The following GMDS variants were observed in gnomAD, a reference collection of about 807,000 sequenced individuals.
GMDS encodes GDP-mannose 4,6 dehydratase.
GMDS carries 20 observed loss-of-function variants against 49.9 expected under a neutral mutation model. The ratio of observed to expected loss-of-function variants is 0.40; its 90% CI spans 0.28 to 0.58. The LOEUF (loss-of-function observed/expected upper bound fraction) is 0.58, where lower values mean the gene tolerates loss of function less well. GMDS is among the 20% of genes least tolerant of loss of function. GMDS has a pLI of 0.42. For missense variants in GMDS, 362 were observed against 481.4 expected (o/e 0.75, Z 2.32); for synonymous variants, 177 against 178.6 (o/e 0.99, Z 0.07).
At chr6:1,974,083 C>T (rs1165291327) in intron 4 of GMDS, among the ~76,000 whole-genome samples, 1 of 151,998 alleles carries the variant, frequency 6.6e-6, no homozygotes. Flanking sequence ...TCCTTCCTCA[C>T]CTCGATTTCT....
intron 4 of GMDS, among the ~76,000 whole-genome samples, chr6:1,996,715 T>G (rs921671017): frequency 6.6e-6 from 1 of 152,182 alleles, no homozygotes; most frequent in East Asian, 1.9e-4. Context: ...TCTAGGAAGC[T>G]GCACACATCA....
At chr6:1,861,173 C>A (rs973041544) in intron 7 of GMDS, among the ~76,000 whole-genome samples, 2 of 152,268 alleles carry the variant, frequency 1.3e-5, no homozygotes, top group Admixed American at 6.5e-5. Flanking sequence ...GTGACGTGCA[C>A]ACAAGGGGAA....
chr6:2,098,526 G>A (rs1773741894), intron 4 of GMDS, among the ~76,000 whole-genome samples: 1 of 152,032 alleles, frequency 6.6e-6, no homozygotes, highest in African/African-American at 2.4e-5. Context: ...AAATCCTTAT[G>A]GTAATTTCAT....
intron 7 of GMDS, among the ~76,000 whole-genome samples, chr6:1,803,527 G>A (rs899446357): frequency 6.6e-6 from 1 of 152,012 alleles, no homozygotes; most frequent in African/African-American, 2.4e-5. Context: ...ATGGCAAAAG[G>A]TGGAGGCTCC....
chr6:1,912,152 G>C (rs537377723), intron 7 of GMDS, among the ~76,000 whole-genome samples: 2 of 152,106 alleles, frequency 1.3e-5, no homozygotes, highest in Admixed American at 1.3e-4. Flanking sequence ...GATCACCTGA[G>C]GTCAGGAGTT....
chr6:1,723,828 T>G (rs968010915), intron 9 of GMDS, among the ~76,000 whole-genome samples: 2 of 152,288 alleles, frequency 1.3e-5, no homozygotes, highest in South Asian at 2.1e-4. Context: ...TATCCTAAGT[T>G]GAATGTAGAC....
intron 6 of GMDS, among the ~76,000 whole-genome samples, chr6:1,947,422 C>T (rs1053122400): frequency 3.9e-5 from 6 of 152,208 alleles, no homozygotes; most frequent in African/African-American, 1.4e-4. Flanking sequence ...TCCTGGGTAC[C>T]TCTACCAAGC....
At position 1,969,888 on chromosome 6, in the gene GMDS, T is replaced by G. The variant is rs976632496; in HGVS notation, c.346-8922A>C. 2.0e-4 allele frequency among the ~76,000 whole-genome samples: 31 copies of G among 152,186 alleles called. 1 individual carries two copies. Among genetic ancestry groups the G allele is most frequent in the Non-Finnish European group, 4.6e-4 (31 of 68,032 alleles). On this transcript the variant is annotated intron_variant, in intron 4 of 10. Transcript: ENST00000380815. Reference sequence around the variant, plus strand: ...TCCATGAGGTTAAGGGCTCTGTTTGTTTTTTCTCATTGCTCCCACCACTTA... The same window carrying G: ...TCCATGAGGTTAAGGGCTCTGTTTGGTTTTTCTCATTGCTCCCACCACTTA...
chr6:1,771,506 TAGTG>T (rs1768575531), intron 7 of GMDS, among the ~76,000 whole-genome samples: 1 of 152,198 alleles, frequency 6.6e-6, no homozygotes, highest in South Asian at 2.1e-4. Flanking sequence ...AAGCAAATAG[TAGTG>T]AGTCAATACA....
chr6:1,905,152 G>A (rs1056176581), intron 7 of GMDS, among the ~76,000 whole-genome samples: 1 of 152,218 alleles, frequency 6.6e-6, no homozygotes, highest in African/African-American at 2.4e-5. Flanking sequence ...TTTGGGCAGC[G>A]AGCACTTATT....
intron 4 of GMDS, among the ~76,000 whole-genome samples, chr6:1,996,123 C>T (rs902931107): frequency 2.2e-4 from 34 of 151,460 alleles, no homozygotes; most frequent in African/African-American, 8.3e-4. Flanking sequence ...CTTCCTCCTC[C>T]TTCCTCCTTC....
At chr6:2,051,293 T>C (rs1770381931) in intron 4 of GMDS, among the ~76,000 whole-genome samples, 1 of 152,180 alleles carries the variant, frequency 6.6e-6, no homozygotes, top group African/African-American at 2.4e-5. Flanking sequence ...TAAGTTTTTG[T>C]TGTTTTAAGC....
intron 7 of GMDS, among the ~76,000 whole-genome samples, chr6:1,815,379 C>T (rs1015949031): frequency 2.0e-5 from 3 of 152,174 alleles, no homozygotes; most frequent in Non-Finnish European, 2.9e-5. Context: ...AAAATAGTTA[C>T]AGCAGAAAAT....
intron 7 of GMDS, among the ~76,000 whole-genome samples, chr6:1,901,263 T>C (rs913040581): frequency 2.0e-5 from 3 of 152,210 alleles, no homozygotes; most frequent in African/African-American, 7.2e-5. Context: ...TCCACGACCG[T>C]GGAACATAAT....
chr6:1,897,277 C>T (rs1007260966), intron 7 of GMDS, among the ~76,000 whole-genome samples: 13 of 152,142 alleles, frequency 8.5e-5, no homozygotes, highest in African/African-American at 2.4e-4. Context: ...CATGAGGACA[C>T]CAGTCCTATT....
chr6:1,812,329 A>T (rs1231166097), intron 7 of GMDS, among the ~76,000 whole-genome samples: 4 of 152,280 alleles, frequency 2.6e-5, no homozygotes, highest in African/African-American at 7.2e-5. Flanking sequence ...AGAGAGCGTG[A>T]GAAGGGGGAT....
intron 7 of GMDS, among the ~76,000 whole-genome samples, chr6:1,877,525 C>G (rs1159246188): frequency 2.6e-5 from 4 of 151,214 alleles, no homozygotes; most frequent in Non-Finnish European, 5.9e-5. Context: ...TTAGTCCCAA[C>G]AACTCGGGAA....
At chr6:1,874,659 A>AATATTTAATATACATGTGTAT (rs1326576471) in intron 7 of GMDS, among the ~76,000 whole-genome samples, 1 of 152,234 alleles carries the variant, frequency 6.6e-6, no homozygotes, top group African/African-American at 2.4e-5. Flanking sequence ...GAAGCATGAC[A>AATATTTAATATACATGTGTAT]ATATTTAATA....
intron 7 of GMDS, among the ~76,000 whole-genome samples, chr6:1,841,942 C>T (rs1757169736): frequency 1.3e-5 from 2 of 152,196 alleles, no homozygotes; most frequent in South Asian, 4.1e-4. Flanking sequence ...TTGTCTTAAC[C>T]AGGACCTTCC....
Sources: gnomAD v4.1 joint callset for allele counts (sites outside exome capture counted in the v4.1 genomes callset) on GRCh38, gnomAD v4.1.1 for gene constraint, MANE v1.5 for transcripts, NCBI Gene and HGNC (gene_info 2026-07-23, HGNC 2026-07-21) for gene names.